SMYD4: variants seen among roughly 807,000 people sequenced by gnomAD.
SMYD4 encodes the protein SET and MYND domain containing 4.
A neutral mutation model predicts 72.8 loss-of-function variants in SMYD4; 68 were observed. The observed-to-expected ratio is 0.93, with a 90% CI of 0.77 to 1.14. The LOEUF is 1.14. SMYD4 is among the 50% of genes most tolerant of loss of function. The pLI is 0.00. For synonymous variants in SMYD4, 407 were observed against 388.6 expected (o/e 1.05, Z -0.56); for missense variants, 984 against 1,003.7 (o/e 0.98, Z 0.27).
At chr17:1,817,298 A>G (rs962079449) in intron 2 of SMYD4, among the ~76,000 whole-genome samples, 1 of 151,684 alleles carries the variant, frequency 6.6e-6, no homozygotes, top group African/African-American at 2.4e-5. Flanking sequence ...TCAGCCTCCC[A>G]AAGTGCTGGG....
intron 2 of SMYD4, among the ~76,000 whole-genome samples, chr17:1,816,350 T>A (rs144269025): frequency 6.6e-6 from 1 of 151,794 alleles, no homozygotes; most frequent in African/African-American, 2.4e-5. Context: ...CCAGGCGCGG[T>A]GGCTCACGCC....
At chr17:1,815,946 C>T (rs9675031) in intron 2 of SMYD4, among the ~76,000 whole-genome samples, 51,224 of 151,532 alleles carry the variant, frequency 0.34, 11,061 homozygotes, top group Non-Finnish European at 0.49. Flanking sequence ...GTGATCCGCC[C>T]GCCTTGGCCT....
chr17:1,804,195 G>A (rs748196845), intron 4 of SMYD4, among the ~76,000 whole-genome samples: 8 of 143,214 alleles, frequency 5.6e-5, no homozygotes, highest in Non-Finnish European at 1.2e-4. Context: ...TTTTGAGATA[G>A]AGTCTCACTC....
chr17:1,782,060 A>C (rs1246057878), intron 10 of SMYD4: 1 of 152,186 alleles, frequency 6.6e-6, no homozygotes, highest in Non-Finnish European at 1.5e-5. Context: ...CCAGGGTTGG[A>C]GGTTCCACCC....
chr17:1,816,081 A>AG (rs59914006), intron 2 of SMYD4, among the ~76,000 whole-genome samples: 108,907 of 151,838 alleles, frequency 0.72, 40,004 homozygotes, highest in Non-Finnish European at 0.8. Flanking sequence ...ATTCATTTCC[A>AG]AAGTTTTTTC....
intron 2 of SMYD4, among the ~76,000 whole-genome samples, chr17:1,825,366 G>A (rs1006960933): frequency 6.6e-6 from 1 of 152,114 alleles, no homozygotes. Context: ...GGAGGAAAAA[G>A]TGCAGAAGGA....
chr17:1,817,195 G>A (rs145044319), intron 2 of SMYD4, among the ~76,000 whole-genome samples: 2,900 of 151,964 alleles, frequency 0.019, 45 homozygotes, highest in Middle Eastern at 0.031. Flanking sequence ...GCACCACCAC[G>A]CCTGGCTAAT....
Position 1,794,276 on chromosome 17 carries a change from AT to A in SMYD4, c.1537+5580del, listed in dbSNP as rs57986348. Among the ~76,000 whole-genome samples the A allele has an allele frequency of 7.7e-3, 995 of 128,410 alleles. 16 individuals are homozygous for A. The highest frequency in any genetic ancestry group is 0.023 in the African/African-American group (778 of 33,946). The allele number at this position is 128,410 out of a possible 152,430, so 84.2% of individuals were successfully genotyped here. On this transcript the variant is annotated intron_variant, in intron 5 of 10. Transcript: ENST00000305513. ...AGGCGCCCACCACCACACCAGGCTA[AT>A]TTTTTTTTTTTTTTTGTATTTTTAG...
At chr17:1,791,041 G>A (rs533953858) in intron 5 of SMYD4, among the ~76,000 whole-genome samples, 2 of 149,782 alleles carry the variant, frequency 1.3e-5, no homozygotes, top group East Asian at 2.0e-4. Flanking sequence ...GCAGGAGAAC[G>A]GAGTGAACCC....
Position 1,787,464 on chromosome 17 carries a change from A to G in SMYD4, c.1678T>C (p.Ser560Pro). ...TCTTGCCCCTTTCTAATCCGCTGTGACGCCCGGATGGTGGCGACAGTGCTA... is the reference window on the plus strand; with the variant it reads ...TCTTGCCCCTTTCTAATCCGCTGTGGCGCCCGGATGGTGGCGACAGTGCTA... ...FISTVATIRA[S>P]QRIRKGQEIL... Residue 560 changes from serine (S) to proline (P), a missense_variant, in exon 6 of 11, where the codon TCA becomes CCA. Ser to Pro is a moderately conservative substitution (Grantham distance 74). Coordinates refer to ENST00000305513, the MANE Select transcript of SMYD4 (RefSeq NM_052928.3). 1.3e-6 allele frequency: 2 copies of G among 1,564,388 alleles called. No homozygotes were observed. Among genetic ancestry groups the G allele is most frequent in the Non-Finnish European group, 1.7e-6 (2 of 1,154,394 alleles).
At chr17:1,784,274 GAACA>G (rs1281280245) in intron 8 of SMYD4, 48 bp downstream of exon 8, 7 of 1,611,142 alleles carry the variant, frequency 4.3e-6, no homozygotes, top group Non-Finnish European at 5.9e-6. Flanking sequence ...AACGGTATCA[GAACA>G]AATAAAAGGG....
At chr17:1,803,977 G>A (rs1909905910) in intron 4 of SMYD4, among the ~76,000 whole-genome samples, 2 of 151,326 alleles carry the variant, frequency 1.3e-5, no homozygotes. Context: ...CTGGGTTCAA[G>A]CAATACTCCT....
At chr17:1,787,676 A>C in intron 5 of SMYD4, 72 bp from the exon 6 acceptor site, 1 of 1,453,072 alleles carries the variant, frequency 6.9e-7, no homozygotes, top group Admixed American at 2.4e-5. Context: ...TGTTCCTCAG[A>C]AGATGAGCTG....
At chr17:1,794,093 A>ATGCGTATATATATGTG (rs1567771023) in intron 5 of SMYD4, among the ~76,000 whole-genome samples, 11 of 19,374 alleles carry the variant, frequency 5.7e-4, no homozygotes, top group African/African-American at 1.9e-3. Context: ...ATATATATAT[A>ATGCGTATATATATGTG]TATATATATA....
chr17:1,804,372 C>A, intron 4 of SMYD4: 1 of 360,916 alleles, frequency 2.8e-6, no homozygotes, highest in Non-Finnish European at 5.4e-6. Flanking sequence ...AGACAGGGTT[C>A]CACTGTGTCG....
At chr17:1,827,140 G>A (rs1244183708) in intron 2 of SMYD4, among the ~76,000 whole-genome samples, 2 of 151,868 alleles carry the variant, frequency 1.3e-5, no homozygotes, top group African/African-American at 2.4e-5. Flanking sequence ...GTGACAGAGT[G>A]AGACCCTGTG....
In SMYD4 at chr17:1,810,237, G is replaced by A. The variant is rs1416047995; in HGVS notation, c.279+1734C>T. ...AGCTTACTGCTACAGGGTATCGGAA[G>A]GAATATGGAAATAGAAGTTTCTTGA... On this transcript the variant is annotated intron_variant, in intron 3 of 10. Coordinates refer to ENST00000305513, the MANE Select transcript of SMYD4 (RefSeq NM_052928.3). Among the ~76,000 whole-genome samples the A allele has an allele frequency of 1.4e-4, 21 of 152,130 alleles. No individual in the cohort carries two copies. In the East Asian group the frequency reaches 3.3e-3, roughly 24 times the overall value.
chr17:1,797,976 T>C (rs1237763854), intron 5 of SMYD4, among the ~76,000 whole-genome samples: 1 of 151,438 alleles, frequency 6.6e-6, no homozygotes, highest in African/African-American at 2.4e-5. Context: ...CACTCCAGCC[T>C]GGGTGACAGG....
In SMYD4 at chr17:1,780,349, G is replaced by A. The variant is rs1425818625; in HGVS notation, c.*937C>T. On this transcript the variant is annotated 3_prime_UTR_variant, in exon 11 of 11. Coordinates refer to ENST00000305513, the MANE Select transcript of SMYD4 (RefSeq NM_052928.3). ...CCTATCTCAGCTTCTCGAGTAGGTG[G>A]GACTACAGGCATGTGCCACCATGCT... The A allele has an allele frequency of 2.0e-5, 3 of 151,792 alleles. No individual in the cohort carries two copies. The highest frequency in any genetic ancestry group is 4.8e-5 in the African/African-American group (2 of 41,292). 9.4% of individuals were successfully genotyped at this position (151,792 alleles called of 1,614,324 possible). A position where few individuals can be genotyped will look rare whatever the true frequency, so the allele number is the denominator to read the frequency against.
Sources: allele counts gnomAD v4.1 joint callset (sites outside exome capture counted in the v4.1 genomes callset), GRCh38; gene constraint gnomAD v4.1.1; transcripts MANE v1.5; gene names NCBI Gene and HGNC (gene_info 2026-07-23, HGNC 2026-07-21).